Variants in CFAP47 observed in about 807,000 individuals in gnomAD.
The protein encoded by CFAP47 is cilia and flagella associated protein 47, also known as cilia- and flagella-associated protein 47.
Under a neutral mutation model 148.1 loss-of-function variants are expected in CFAP47, and 29 were observed. The ratio of observed to expected loss-of-function variants is 0.20; its 90% CI spans 0.15 to 0.27. The LOEUF (loss-of-function observed/expected upper bound fraction) is 0.27. Among genes scored for constraint, CFAP47 ranks in the 10% least tolerant of loss-of-function variants. The probability of loss-of-function intolerance (pLI) is 1.00; values close to 1 mark genes in which losing one functional copy is unlikely to be tolerated. For synonymous variants in CFAP47, 664 were observed against 577.3 expected (o/e 1.15, Z -2.15); for missense variants, 1,872 against 1,697.5 (o/e 1.10, Z -1.81).
chrX:36,004,103 G>C (rs1213014536), intron 21 of CFAP47, among the ~76,000 whole-genome samples: 4 of 107,188 alleles, frequency 3.7e-5, no homozygotes, highest in Non-Finnish European at 7.7e-5. Context: ...TTCCCGAGTA[G>C]CTGGGAGTAC....
intron 45 of CFAP47, among the ~76,000 whole-genome samples, chrX:36,210,519 A>G (rs1287006014): frequency 8.9e-6 from 1 of 112,300 alleles, no homozygotes; most frequent in African/African-American, 3.2e-5. Flanking sequence ...ATAAATGTCT[A>G]TTCGGATTTT....
At chrX:36,119,383 A>G (rs1938700536) in intron 33 of CFAP47, among the ~76,000 whole-genome samples, 1 of 111,860 alleles carries the variant, frequency 8.9e-6, no homozygotes, top group African/African-American at 3.3e-5. Flanking sequence ...CATATGTTGA[A>G]CCATCCTTAC....
chrX:36,289,459 A>G (rs1403862098), intron 51 of CFAP47, among the ~76,000 whole-genome samples: 4 of 111,557 alleles, frequency 3.6e-5, no homozygotes, highest in African/African-American at 1.3e-4. Flanking sequence ...AAATTCTTAA[A>G]TACTATTTTT....
At chrX:36,213,439 T>C (rs1410725410) in intron 45 of CFAP47, among the ~76,000 whole-genome samples, 12 of 111,784 alleles carry the variant, frequency 1.1e-4, no homozygotes, top group Non-Finnish European at 2.1e-4. Flanking sequence ...TACTGAATTA[T>C]CCTCAGTTTG....
chrX:35,989,496 T>C, intron 16 of CFAP47, 47 bp downstream of exon 16: 1 of 1,210,766 alleles, frequency 8.3e-7, no homozygotes, highest in Non-Finnish European at 1.1e-6. Context: ...GGCTATGAAT[T>C]TGTTGGGTAT....
intron 57 of CFAP47, among the ~76,000 whole-genome samples, chrX:36,325,728 A>T (rs2063023934): frequency 9.0e-6 from 1 of 110,935 alleles, no homozygotes; most frequent in Non-Finnish European, 1.9e-5. Flanking sequence ...GATTTTACAC[A>T]TCCCTCCCTC....
chrX:35,924,156 T>G (rs1243210565), intron 1 of CFAP47, among the ~76,000 whole-genome samples: 1 of 73,623 alleles, frequency 1.4e-5, no homozygotes, highest in Non-Finnish European at 2.4e-5. Context: ...TATGCGTACA[T>G]ATATGTATAT....
chrX:36,235,404 G>T (rs1214430319), intron 46 of CFAP47, among the ~76,000 whole-genome samples: 1 of 112,463 alleles, frequency 8.9e-6, no homozygotes, highest in East Asian at 2.8e-4. Context: ...GACTCCGTGG[G>T]CGTAGGACCC....
intron 5 of CFAP47, 48 bp downstream of exon 5, chrX:35,951,407 G>T: frequency 1.2e-6 from 1 of 817,625 alleles, no homozygotes; most frequent in Non-Finnish European, 1.8e-6. Flanking sequence ...ACTTAAAAGA[G>T]ATTGTGTTAA....
Position 36,299,024 on chromosome X carries a change from T to G in CFAP47, c.7734T>G (p.Gly2578=), listed in dbSNP as rs886885766. Residue 2578 remains glycine (G), a synonymous_variant, in exon 52 of 64, where the codon GGT becomes GGG. Coordinates refer to ENST00000378653, the MANE Select transcript of CFAP47 (RefSeq NM_001304548.2). ...CTCTCTCTAATCCAAAAGATAGAGG[T>G]CTTCACTTAGAGGTGCAGTTAACGA... ...EIPLSNPKDR[G]LHLEVQLTSA... is the part of the protein sequence containing the mutation. 5 of 1,154,696 alleles carry G rather than the reference T, an allele frequency of 4.3e-6. No homozygotes were observed. The highest frequency in any genetic ancestry group is 5.8e-6 in the Non-Finnish European group (5 of 862,462).
At chrX:35,966,084 C>A (rs930444462) in intron 8 of CFAP47, among the ~76,000 whole-genome samples, 2 of 108,113 alleles carry the variant, frequency 1.8e-5, no homozygotes, top group African/African-American at 6.6e-5. Context: ...AGTCCTTAAT[C>A]CACCATTCTG....
At chrX:36,278,779 ATGTTTTACATTC>A (rs1941046374) in intron 49 of CFAP47, among the ~76,000 whole-genome samples, 1 of 112,555 alleles carries the variant, frequency 8.9e-6, no homozygotes, top group South Asian at 3.6e-4. Flanking sequence ...TATTAGTAGT[ATGTTTTACATTC>A]TGTTTTACAC....
At chrX:36,072,074 C>A in intron 28 of CFAP47, 103 bp downstream of exon 28, 1 of 639,959 alleles carries the variant, frequency 1.6e-6, no homozygotes, top group Non-Finnish European at 2.3e-6. Flanking sequence ...ACAAGAAATT[C>A]ATGAAGAAAA....
chrX:36,377,503 C>G (rs1942035322), intron 62 of CFAP47, among the ~76,000 whole-genome samples: 1 of 111,708 alleles, frequency 9.0e-6, no homozygotes, highest in Admixed American at 9.5e-5. Flanking sequence ...TGTTTAAGTT[C>G]TTTGTAGATT....
intron 30 of CFAP47, among the ~76,000 whole-genome samples, chrX:36,093,170 A>G (rs1938215240): frequency 9.0e-6 from 1 of 111,435 alleles, no homozygotes; most frequent in Admixed American, 9.6e-5. Flanking sequence ...TGATGGACCT[A>G]CGGTGGCTTC....
At chrX:36,069,604 G>C (rs1937709482) in intron 27 of CFAP47, among the ~76,000 whole-genome samples, 1 of 110,878 alleles carries the variant, frequency 9.0e-6, no homozygotes, top group Non-Finnish European at 1.9e-5. Context: ...TGCTTACCAG[G>C]TATATGGTGC....
At chrX:36,095,216 C>A (rs763727394) in intron 30 of CFAP47, among the ~76,000 whole-genome samples, 23 of 111,657 alleles carry the variant, frequency 2.1e-4, no homozygotes, top group Non-Finnish European at 3.8e-4. Context: ...TTAAACCATT[C>A]TTGACTCAAC....
intron 26 of CFAP47, among the ~76,000 whole-genome samples, chrX:36,061,324 T>G (rs1415985385): frequency 8.9e-6 from 1 of 111,805 alleles, no homozygotes; most frequent in Non-Finnish European, 1.9e-5. Flanking sequence ...CTCAGGTAGT[T>G]CTTTATAGCA....
intron 62 of CFAP47, among the ~76,000 whole-genome samples, chrX:36,371,831 T>C (rs1309279843): frequency 1.4e-5 from 1 of 69,662 alleles, no homozygotes; most frequent in Non-Finnish European, 2.5e-5. Context: ...TATACACACA[T>C]GTGTGTATAT....
Sources: allele counts gnomAD v4.1 joint callset (sites outside exome capture counted in the v4.1 genomes callset), GRCh38; gene constraint gnomAD v4.1.1; transcripts MANE v1.5; gene names NCBI Gene and HGNC (gene_info 2026-07-23, HGNC 2026-07-21).